Variants in CARMIL1 observed in about 807,000 individuals in gnomAD.
CARMIL1 encodes capping protein regulator and myosin 1 linker 1, also known as F-actin-uncapping protein LRRC16A.
Under a neutral mutation model 177.1 loss-of-function variants are expected in CARMIL1, and 90 were observed. The ratio of observed to expected loss-of-function variants is 0.51; its 90% CI spans 0.43 to 0.61. The LOEUF (loss-of-function observed/expected upper bound fraction) is 0.61. Among genes scored for constraint, CARMIL1 ranks in the 20% least tolerant of loss-of-function variants. The pLI is 0.00. For synonymous variants in CARMIL1, 577 were observed against 606.2 expected (o/e 0.95, Z 0.71); for missense variants, 1,380 against 1,667.0 (o/e 0.83, Z 3.00).
chr6:25,393,525 C>G (rs970935474), intron 2 of CARMIL1: 1 of 147,814 alleles, frequency 6.8e-6, no homozygotes, highest in Non-Finnish European at 1.5e-5. Flanking sequence ...CATTGTACTT[C>G]AGCCTGGGCA....
At chr6:25,345,884 T>C (rs531560600) in intron 2 of CARMIL1, among the ~76,000 whole-genome samples, 34 of 152,374 alleles carry the variant, frequency 2.2e-4, no homozygotes, top group South Asian at 1.5e-3. Flanking sequence ...CCCAAAGTGC[T>C]GGGATTACAG....
At chr6:25,375,924 C>T (rs1198362229) in intron 2 of CARMIL1, among the ~76,000 whole-genome samples, 1 of 151,920 alleles carries the variant, frequency 6.6e-6, no homozygotes, top group Non-Finnish European at 1.5e-5. Flanking sequence ...TGATTTTTAC[C>T]TCTGTCTTGT....
intron 28 of CARMIL1, among the ~76,000 whole-genome samples, chr6:25,555,587 A>T (rs1278015693): frequency 6.6e-6 from 1 of 151,974 alleles, no homozygotes; most frequent in African/African-American, 2.4e-5. Context: ...TTAAGTAGAG[A>T]TGAGGTTTCA....
At chr6:25,344,208 C>T (rs1439704377) in intron 2 of CARMIL1, among the ~76,000 whole-genome samples, 1 of 152,124 alleles carries the variant, frequency 6.6e-6, no homozygotes, top group Admixed American at 6.6e-5. Flanking sequence ...CCTCTTCTCT[C>T]GCAAGCCTCA....
chr6:25,607,010 T>TGG (rs913644547), intron 35 of CARMIL1, among the ~76,000 whole-genome samples: 4 of 152,028 alleles, frequency 2.6e-5, no homozygotes, highest in Non-Finnish European at 4.4e-5. Context: ...AGGCCAGGTG[T>TGG]GGTAGTGCAC....
chr6:25,390,311 TA>T (rs1167633199), intron 2 of CARMIL1, among the ~76,000 whole-genome samples: 1,805 of 55,942 alleles, frequency 0.032, 54 homozygotes, highest in African/African-American at 0.085. Flanking sequence ...TATATATATA[TA>T]TATATATATT....
chr6:25,334,893 C>T (rs7762836), intron 2 of CARMIL1, among the ~76,000 whole-genome samples: 43,608 of 152,020 alleles, frequency 0.29, 6,539 homozygotes, highest in African/African-American at 0.34. Flanking sequence ...CTGCTGGAGA[C>T]GGTGACATTT....
chr6:25,488,242 C>G lies in CARMIL1; in HGVS notation c.962-240C>G, dbSNP rs554807459. ...CTTGGACACATCAGAAGACATGGAT[C>G]AAAGGGAAGCCAATTCATTACTCCT... is the stretch of plus-strand genomic sequence containing the variant. On this transcript the variant is annotated intron_variant, in intron 12 of 36. Coordinates refer to ENST00000329474, the MANE Select transcript of CARMIL1 (RefSeq NM_017640.6). Among the ~76,000 whole-genome samples the G allele has an allele frequency of 4.0e-4, 61 of 152,290 alleles. 1 individual carries two copies. Among genetic ancestry groups the G allele is most frequent in the Non-Finnish European group, 2.2e-4 (15 of 68,014 alleles).
intron 29 of CARMIL1, among the ~76,000 whole-genome samples, chr6:25,565,818 CGACAGAGTGA>C (rs1311349276): frequency 2.0e-5 from 3 of 152,082 alleles, no homozygotes; most frequent in African/African-American, 7.2e-5. Context: ...TCCAGCCTGG[CGACAGAGTGA>C]GACTCCGTCT....
At chr6:25,462,838 C>T (rs1049097445) in intron 8 of CARMIL1, among the ~76,000 whole-genome samples, 5 of 152,108 alleles carry the variant, frequency 3.3e-5, no homozygotes, top group Admixed American at 2.6e-4. Flanking sequence ...CAGTGAAGTG[C>T]GATAGAGGAA....
intron 2 of CARMIL1, among the ~76,000 whole-genome samples, chr6:25,392,254 A>T (rs184876539): frequency 1.3e-5 from 2 of 152,282 alleles, no homozygotes; most frequent in East Asian, 3.9e-4. Context: ...TTAACCTTGT[A>T]TGTATGTATA....
At chr6:25,570,948 G>A (rs1812019129) in intron 29 of CARMIL1, among the ~76,000 whole-genome samples, 3 of 152,142 alleles carry the variant, frequency 2.0e-5, no homozygotes. Flanking sequence ...GTCTTAGAAA[G>A]AATTAGGTAT....
At chr6:25,336,921 C>T (rs900602280) in intron 2 of CARMIL1, among the ~76,000 whole-genome samples, 6 of 152,110 alleles carry the variant, frequency 3.9e-5, no homozygotes, top group Admixed American at 2.6e-4. Context: ...AGTCACAAGC[C>T]GTTTGGAATT....
chr6:25,503,280 C>T (rs1179734606), intron 17 of CARMIL1, among the ~76,000 whole-genome samples: 1 of 152,200 alleles, frequency 6.6e-6, no homozygotes. Flanking sequence ...ACCTGAATCA[C>T]AGTACTGGTG....
chr6:25,544,351 T>C (rs2151145138), intron 26 of CARMIL1, among the ~76,000 whole-genome samples: 1 of 152,006 alleles, frequency 6.6e-6, no homozygotes, highest in South Asian at 2.1e-4. Context: ...ATAAAGATCT[T>C]GAAAGGAGGC....
At chr6:25,363,140 C>G (rs1789412216) in intron 2 of CARMIL1, among the ~76,000 whole-genome samples, 1 of 152,154 alleles carries the variant, frequency 6.6e-6, no homozygotes, top group African/African-American at 2.4e-5. Flanking sequence ...TTTTAAAATT[C>G]CAGACTTGGG....
At chr6:25,481,233 A>G (rs969456229) in intron 11 of CARMIL1, among the ~76,000 whole-genome samples, 9 of 152,160 alleles carry the variant, frequency 5.9e-5, no homozygotes, top group African/African-American at 1.9e-4. Flanking sequence ...GATTTAATCC[A>G]GTGATTTTCA....
intron 2 of CARMIL1, among the ~76,000 whole-genome samples, chr6:25,403,098 TTA>T (rs1491567854): frequency 1.2e-4 from 16 of 131,672 alleles, no homozygotes; most frequent in Non-Finnish European, 2.5e-4. Context: ...TTTTTTTTTT[TTA>T]AAAACAAAAC....
At chr6:25,546,402 A>T (rs1256198631) in intron 26 of CARMIL1, among the ~76,000 whole-genome samples, 3 of 152,148 alleles carry the variant, frequency 2.0e-5, no homozygotes, top group Non-Finnish European at 4.4e-5. Flanking sequence ...GAGGTAGAGC[A>T]ATATGTAAAA....
Sources: gnomAD v4.1 joint callset for allele counts (sites outside exome capture counted in the v4.1 genomes callset) on GRCh38, gnomAD v4.1.1 for gene constraint, MANE v1.5 for transcripts, NCBI Gene and HGNC (gene_info 2026-07-23, HGNC 2026-07-21) for gene names.